Variants in SLC16A7 observed in about 807,000 individuals in gnomAD.
SLC16A7 encodes the protein monocarboxylate transporter 2.
SLC16A7 carries 33 observed loss-of-function variants against 34.9 expected under a neutral mutation model. The ratio of observed to expected loss-of-function variants is 0.94; its 90% CI spans 0.72 to 1.26. The LOEUF (loss-of-function observed/expected upper bound fraction) is 1.26, where lower values mean the gene tolerates loss of function less well. SLC16A7 is among the 50% of genes most tolerant of loss of function. The probability of loss-of-function intolerance (pLI) is 0.00; values close to 1 mark genes in which losing one functional copy is unlikely to be tolerated. For synonymous variants in SLC16A7, 201 were observed against 206.6 expected (o/e 0.97, Z 0.23); for missense variants, 573 against 578.1 (o/e 0.99, Z 0.09).
intron 3 of SLC16A7, among the ~76,000 whole-genome samples, chr12:59,729,396 G>T (rs1876668684): frequency 6.6e-6 from 1 of 152,132 alleles, no homozygotes; most frequent in South Asian, 2.1e-4. Context: ...AAAGTAGCAT[G>T]TCTCTCTGTT....
chr12:59,737,985 C>T (rs1877795744), intron 3 of SLC16A7, among the ~76,000 whole-genome samples: 1 of 152,142 alleles, frequency 6.6e-6, no homozygotes, highest in South Asian at 2.1e-4. Flanking sequence ...GATAATGATC[C>T]ATTCTCCTGT....
intron 1 of SLC16A7, among the ~76,000 whole-genome samples, chr12:59,617,755 A>G (rs889396660): frequency 2.0e-5 from 3 of 152,016 alleles, no homozygotes; most frequent in African/African-American, 7.2e-5. Flanking sequence ...GGTCTGGCCT[A>G]ATCGACTCAA....
chr12:59,625,619 A>G (rs1879892431), intron 1 of SLC16A7, among the ~76,000 whole-genome samples: 1 of 151,838 alleles, frequency 6.6e-6, no homozygotes, highest in East Asian at 1.9e-4. Context: ...ATGAGTTACT[A>G]CATGGGAAAA....
intron 5 of SLC16A7, among the ~76,000 whole-genome samples, chr12:59,775,866 A>G (rs1036504545): frequency 6.6e-6 from 1 of 152,034 alleles, no homozygotes. Flanking sequence ...ATATTCTCTC[A>G]AAAGGTCAGA....
chr12:59,668,372 C>G (rs936925272), intron 2 of SLC16A7, among the ~76,000 whole-genome samples: 1 of 152,184 alleles, frequency 6.6e-6, no homozygotes, highest in Non-Finnish European at 1.5e-5. Flanking sequence ...GCCACGGGAA[C>G]CCCCCTCTTG....
chr12:59,636,083 A>G lies in SLC16A7; in HGVS notation c.-129-19069A>G, dbSNP rs904792871. On this transcript the variant is annotated intron_variant, in intron 1 of 5. Coordinates refer to ENST00000547379, the MANE Select transcript of SLC16A7 (RefSeq NM_001270623.2). ...ACATTTTTATTTATTTTTTTCTATT[A>G]GAAACTGACTAACCAATCTTCAAAT... Among the ~76,000 whole-genome samples, 4 of 151,892 alleles carry G rather than the reference A, an allele frequency of 2.6e-5. No homozygotes were observed. In the South Asian group the frequency reaches 8.3e-4, roughly 32 times the overall value.
chr12:59,621,061 C>T (rs932839353), intron 1 of SLC16A7, among the ~76,000 whole-genome samples: 1 of 151,880 alleles, frequency 6.6e-6, no homozygotes, highest in African/African-American at 2.4e-5. Flanking sequence ...AAGTCTAAGG[C>T]AAGACTTGGT....
In SLC16A7 at chr12:59,779,688, A is replaced by G. The variant is rs1883101115; in HGVS notation, c.*9A>G. 2 of 1,599,768 alleles carry G rather than the reference A, an allele frequency of 1.3e-6. No homozygotes were observed. Among genetic ancestry groups the G allele is most frequent in the Middle Eastern group, 3.3e-4 (2 of 5,982 alleles). On this transcript the variant is annotated 3_prime_UTR_variant, in exon 6 of 6. Transcript: ENST00000547379. ...GAGAAACTAACATTTAACAAGAATC[A>G]CATCTCTGATTTCAGTGTTTATGAC...
chr12:59,773,098 T>C lies in SLC16A7; in HGVS notation c.362-1559T>C, dbSNP rs186445862. 2.9e-4 allele frequency among the ~76,000 whole-genome samples: 44 copies of C among 151,086 alleles called. No individual in the cohort carries two copies. The East Asian group carries it at 7.9e-3, about 27-fold the overall frequency. On this transcript the variant is annotated intron_variant, in intron 4 of 5. Coordinates refer to ENST00000547379, the MANE Select transcript of SLC16A7 (RefSeq NM_001270623.2). Reference sequence around the variant, plus strand: ...GACAGAATGGGGAAAATGATTGATATAAGATTAAAAAAAAAAAAACCTTAA... The same window carrying C: ...GACAGAATGGGGAAAATGATTGATACAAGATTAAAAAAAAAAAAACCTTAA...
At position 59,781,195 on chromosome 12, in the gene SLC16A7, G is replaced by T. The variant is rs923338014; in HGVS notation, c.*1516G>T. The T allele has an allele frequency of 1.3e-5, 2 of 152,264 alleles. No homozygotes were observed. Among genetic ancestry groups the T allele is most frequent in the African/African-American group, 2.4e-5 (1 of 41,416 alleles). The allele number at this position is 152,264 out of a possible 1,614,324, so 9.4% of individuals were successfully genotyped here. On this transcript the variant is annotated 3_prime_UTR_variant, in exon 6 of 6. Coordinates refer to ENST00000547379, the MANE Select transcript of SLC16A7 (RefSeq NM_001270623.2). ...TTTTAAACTATAAATACCATTTTGA[G>T]TGAGAAAGTACTTTTAAACAAGAAA...
At chr12:59,679,607 T>A (rs1282016704) in intron 2 of SLC16A7, among the ~76,000 whole-genome samples, 1 of 152,240 alleles carries the variant, frequency 6.6e-6, no homozygotes, top group East Asian at 1.9e-4. Context: ...ATGATGTTTA[T>A]CATATGATGT....
At chr12:59,641,793 A>T (rs968776408) in intron 1 of SLC16A7, among the ~76,000 whole-genome samples, 1 of 151,974 alleles carries the variant, frequency 6.6e-6, no homozygotes, top group Admixed American at 6.6e-5. Context: ...ACCATTATTC[A>T]TTGTACTTTT....
intron 1 of SLC16A7, among the ~76,000 whole-genome samples, chr12:59,624,879 G>A (rs554230567): frequency 4.0e-5 from 6 of 151,444 alleles, no homozygotes; most frequent in Non-Finnish European, 8.9e-5. Context: ...TTCTACCTCC[G>A]TCTGGCCCTG....
intron 1 of SLC16A7, among the ~76,000 whole-genome samples, chr12:59,614,732 C>G (rs1325460136): frequency 6.7e-6 from 1 of 149,518 alleles, no homozygotes; most frequent in African/African-American, 2.5e-5. Flanking sequence ...AGGCTGTAAT[C>G]CCACCCAGCA....
At chr12:59,683,423 A>G (rs78503496) in intron 2 of SLC16A7, among the ~76,000 whole-genome samples, 10,832 of 152,248 alleles carry the variant, frequency 0.071, 430 homozygotes, top group Middle Eastern at 0.17. Context: ...CAGTCCTTTA[A>G]GGGACTATTA....
rs116663928 is a variant in SLC16A7, at chr12:59,665,654, C to G, written c.-31+10404C>G. ...TGTCTAAAAATAAAAATATTGTATACATTTACAGAGTAATCATTTTTCATT... is the reference window on the plus strand; with the variant it reads ...TGTCTAAAAATAAAAATATTGTATAGATTTACAGAGTAATCATTTTTCATT... On this transcript the variant is annotated intron_variant, in intron 2 of 5. Transcript: ENST00000547379. 9.1e-3 allele frequency among the ~76,000 whole-genome samples: 1,388 copies of G among 152,034 alleles called. 25 individuals carry two copies. Among genetic ancestry groups the G allele is most frequent in the African/African-American group, 0.031 (1,306 of 41,464 alleles).
intron 3 of SLC16A7, among the ~76,000 whole-genome samples, chr12:59,745,118 C>T (rs780021326): frequency 6.6e-6 from 1 of 152,158 alleles, no homozygotes; most frequent in African/African-American, 2.4e-5. Context: ...TCCCTCATCA[C>T]CTTCATCCTT....
chr12:59,692,126 C>G (rs2137099341), intron 2 of SLC16A7, among the ~76,000 whole-genome samples: 1 of 152,092 alleles, frequency 6.6e-6, no homozygotes, highest in Admixed American at 6.6e-5. Context: ...GTTGGCATTC[C>G]TTGGCTTGTG....
chr12:59,599,452 G>A (rs993062813), intron 1 of SLC16A7, among the ~76,000 whole-genome samples: 4 of 152,064 alleles, frequency 2.6e-5, no homozygotes, highest in Non-Finnish European at 5.9e-5. Flanking sequence ...TGCCCATGAA[G>A]TGCAAACATC....
Sources: allele counts gnomAD v4.1 joint callset (sites outside exome capture counted in the v4.1 genomes callset), GRCh38; gene constraint gnomAD v4.1.1; transcripts MANE v1.5; gene names NCBI Gene and HGNC (gene_info 2026-07-23, HGNC 2026-07-21).